The following COL21A1 variants were observed in gnomAD, a reference collection of about 807,000 sequenced individuals.
COL21A1 encodes the protein collagen type XXI alpha 1 chain.
COL21A1 carries 149 observed loss-of-function variants against 137.9 expected under a neutral mutation model. The observed-to-expected ratio is 1.08, with a 90% CI of 0.95 to 1.24. The LOEUF (loss-of-function observed/expected upper bound fraction) is 1.24, where lower values mean the gene tolerates loss of function less well. COL21A1 is among the 50% of genes most tolerant of loss of function. The pLI, the probability that COL21A1 is intolerant of heterozygous loss-of-function variation, is 0.00. For synonymous variants in COL21A1, 456 were observed against 391.5 expected, an observed-to-expected ratio of 1.16 and a Z score of -1.95; for missense variants, 1,167 against 1,158.4, an observed-to-expected ratio of 1.01 and a Z score of -0.11.
At chr6:56,199,722 T>C (rs1264490845) in intron 1 of COL21A1, among the ~76,000 whole-genome samples, 1 of 152,194 alleles carries the variant, frequency 6.6e-6, no homozygotes, top group African/African-American at 2.4e-5. Context: ...GCCTCCTGCA[T>C]GTACTCAAAA....
At chr6:56,275,286 C>T (rs1763616188) in intron 1 of COL21A1, among the ~76,000 whole-genome samples, 1 of 152,130 alleles carries the variant, frequency 6.6e-6, no homozygotes, top group Non-Finnish European at 1.5e-5. Context: ...AGATACCCTT[C>T]TCTACATTGC....
chr6:56,074,584 T>TG (rs1183403593), intron 19 of COL21A1, among the ~76,000 whole-genome samples: 1 of 151,360 alleles, frequency 6.6e-6, no homozygotes, highest in East Asian at 1.9e-4. Context: ...AAGGAAAATT[T>TG]TTTTTCTACA....
intron 1 of COL21A1, among the ~76,000 whole-genome samples, chr6:56,390,781 T>C (rs1291430964): frequency 6.6e-6 from 1 of 152,140 alleles, no homozygotes; most frequent in Non-Finnish European, 1.5e-5. Flanking sequence ...ATTACACTTG[T>C]AAACATATAT....
chr6:56,159,311 G>A (rs1283852087), intron 9 of COL21A1, among the ~76,000 whole-genome samples: 4 of 151,066 alleles, frequency 2.6e-5, no homozygotes, highest in Non-Finnish European at 5.9e-5. Context: ...CTTGGATTGA[G>A]ACTGTAGCAA....
intron 1 of COL21A1, among the ~76,000 whole-genome samples, chr6:56,213,133 T>G (rs1201386474): frequency 6.6e-6 from 1 of 152,132 alleles, no homozygotes; most frequent in African/African-American, 2.4e-5. Flanking sequence ...TTCCTTTGGT[T>G]GTTTCTACAA....
intron 3 of COL21A1, among the ~76,000 whole-genome samples, chr6:56,173,823 C>T (rs980558555): frequency 6.6e-6 from 1 of 152,066 alleles, no homozygotes; most frequent in African/African-American, 2.4e-5. Flanking sequence ...AAGACTTGAA[C>T]AATACTATAG....
intron 1 of COL21A1, among the ~76,000 whole-genome samples, chr6:56,374,427 T>C (rs1375617961): frequency 6.6e-6 from 1 of 152,154 alleles, no homozygotes; most frequent in Non-Finnish European, 1.5e-5. Flanking sequence ...CCAAGAAATA[T>C]GATAAGTAAA....
chr6:56,061,646 T>C lies in COL21A1; in HGVS notation c.2205+3A>G, dbSNP rs1292519004. 2 of 1,584,816 alleles carry C rather than the reference T, an allele frequency of 1.3e-6. No individual in the cohort carries two copies. On this transcript the variant is annotated splice_donor_region_variant and intron_variant, in intron 25 of 29. Transcript: ENST00000244728. ...AGAGAGCATAATATATGAAGAAACA[T>C]ACCTCTCCTTTTGCACCATGATGGC... is the stretch of plus-strand genomic sequence containing the variant.
intron 12 of COL21A1, among the ~76,000 whole-genome samples, chr6:56,131,689 AAGG>A (rs1312183838): frequency 6.6e-6 from 1 of 152,070 alleles, no homozygotes; most frequent in Non-Finnish European, 1.5e-5. Context: ...AAGTGTAGAG[AAGG>A]AGATGTGATT....
chr6:56,379,872 GTGATAATTTTTCTTATTA>G (rs1463201306), intron 1 of COL21A1, among the ~76,000 whole-genome samples: 2 of 152,110 alleles, frequency 1.3e-5, no homozygotes. Context: ...TTAACTTAAT[GTGATAATTTTTCTTATTA>G]TGAGGGAGGT....
intron 1 of COL21A1, among the ~76,000 whole-genome samples, chr6:56,310,354 T>A (rs1764579932): frequency 1.3e-5 from 2 of 152,172 alleles, no homozygotes; most frequent in Admixed American, 6.5e-5. Context: ...TAGGGAGTTT[T>A]TAAAAACACT....
chr6:56,361,228 G>A (rs552675087), intron 1 of COL21A1, among the ~76,000 whole-genome samples: 1 of 152,282 alleles, frequency 6.6e-6, no homozygotes, highest in African/African-American at 2.4e-5. Flanking sequence ...TCTCTACACT[G>A]TAAAACGAGG....
intron 1 of COL21A1, among the ~76,000 whole-genome samples, chr6:56,325,280 AATATT>A (rs1764983441): frequency 5.7e-5 from 2 of 35,174 alleles, no homozygotes; most frequent in African/African-American, 2.0e-4. Flanking sequence ...TATATTATAT[AATATT>A]ATATTACATT....
chr6:56,304,341 G>A (rs1043238069), intron 1 of COL21A1, among the ~76,000 whole-genome samples: 11 of 151,968 alleles, frequency 7.2e-5, no homozygotes, highest in African/African-American at 2.2e-4. Context: ...GGTAGAATTC[G>A]GCTGTGAATC....
At chr6:56,124,036 G>GT in intron 16 of COL21A1, 26 bp downstream of exon 16, 3 of 1,382,690 alleles carry the variant, frequency 2.2e-6, no homozygotes, top group Middle Eastern at 2.5e-4. Flanking sequence ...TTTTTGTTTT[G>GT]TCCTTTTTTT....
chr6:56,098,696 A>T lies in COL21A1; in HGVS notation c.1812+2776T>A, dbSNP rs187750027. 4.7e-4 allele frequency among the ~76,000 whole-genome samples: 21 copies of T among 44,590 alleles called. 2 individuals carry two copies. The highest frequency in any genetic ancestry group is 1.1e-3 in the African/African-American group (13 of 11,750). The allele number at this position is 44,590 out of a possible 152,430, so 29.3% of individuals were successfully genotyped here. On this transcript the variant is annotated intron_variant, in intron 17 of 29. Transcript: ENST00000244728. ...ATATATAAATATATATAAATATATA[A>T]ATATATATATAAATATATATAAATA...
intron 16 of COL21A1, among the ~76,000 whole-genome samples, chr6:56,120,755 T>C (rs1164765116): frequency 1.3e-5 from 2 of 149,816 alleles, no homozygotes; most frequent in African/African-American, 2.5e-5. Flanking sequence ...GATCATGCCA[T>C]TGCACTCCAG....
rs1562188708 is a variant in COL21A1, at chr6:56,097,936, A to AATATATGT, written c.1812+3535_1812+3536insACATATAT. Among the ~76,000 whole-genome samples the AATATATGT allele has an allele frequency of 2.8e-3, 122 of 43,244 alleles. 5 individuals carry two copies. The highest frequency in any genetic ancestry group is 7.1e-3 in the African/African-American group (57 of 7,996). The allele number at this position is 43,244 out of a possible 152,430, so 28.4% of individuals were successfully genotyped here. ...ATATATATAAATATATAAATATATA[A>AATATATGT]AAATATATATAAATATAAAAATATA... On this transcript the variant is annotated intron_variant, in intron 17 of 29. Coordinates refer to ENST00000244728, the MANE Select transcript of COL21A1 (RefSeq NM_030820.4).
At chr6:56,290,498 G>GGTTTTTTT (rs371058894) in intron 1 of COL21A1, among the ~76,000 whole-genome samples, 4,002 of 132,134 alleles carry the variant, frequency 0.03, 103 homozygotes, top group Non-Finnish European at 0.041. Context: ...TCACTTAGGA[G>GGTTTTTTT]ATTTTTTTTT....
Sources: gnomAD v4.1 joint callset for allele counts (sites outside exome capture counted in the v4.1 genomes callset) on GRCh38, gnomAD v4.1.1 for gene constraint, MANE v1.5 for transcripts, NCBI Gene and HGNC (gene_info 2026-07-23, HGNC 2026-07-21) for gene names.